Variants in SLCO5A1 observed in about 807,000 individuals in gnomAD.
SLCO5A1 encodes the protein solute carrier organic anion transporter family member 5A1, also known as organic anion transporter polypeptide-related protein 4.
Under a neutral mutation model 65.1 loss-of-function variants are expected in SLCO5A1, and 39 were observed. The ratio of observed to expected loss-of-function variants is 0.60; its 90% confidence interval spans 0.46 to 0.78. The LOEUF (loss-of-function observed/expected upper bound fraction) is 0.78. SLCO5A1 is among the 30% of genes least tolerant of loss of function. The pLI is 0.00. For missense variants in SLCO5A1, 1,029 were observed against 1,069.4 expected, an observed-to-expected ratio of 0.96 and a Z score of 0.53; for synonymous variants, 438 against 415.7, an observed-to-expected ratio of 1.05 and a Z score of -0.65.
chr8:69,729,352 G>T (rs779400351), intron 5 of SLCO5A1, among the ~76,000 whole-genome samples: 1 of 148,822 alleles, frequency 6.7e-6, no homozygotes, highest in African/African-American at 2.5e-5. Flanking sequence ...GCTGAGGCAG[G>T]AGAATGGCAT....
intron 2 of SLCO5A1, among the ~76,000 whole-genome samples, chr8:69,792,777 C>T (rs1819326122): frequency 1.3e-5 from 2 of 151,882 alleles, no homozygotes; most frequent in Non-Finnish European, 2.9e-5. Flanking sequence ...AAATTAAAGT[C>T]AAGATGCAAG....
At chr8:69,797,561 A>G (rs1456510013) in intron 2 of SLCO5A1, among the ~76,000 whole-genome samples, 7 of 152,252 alleles carry the variant, frequency 4.6e-5, no homozygotes, top group Non-Finnish European at 1.0e-4. Flanking sequence ...TTTTCCCAGC[A>G]AGGAACATCC....
chr8:69,799,182 T>C (rs945167140), intron 2 of SLCO5A1, among the ~76,000 whole-genome samples: 4 of 152,210 alleles, frequency 2.6e-5, no homozygotes, highest in Admixed American at 1.3e-4. Context: ...AAATTTATAT[T>C]TTACAAGTAT....
intron 4 of SLCO5A1, among the ~76,000 whole-genome samples, chr8:69,742,091 T>C (rs1816809853): frequency 6.6e-6 from 1 of 152,164 alleles, no homozygotes; most frequent in African/African-American, 2.4e-5. Context: ...CACTGAAGTA[T>C]TAGGGACAGT....
intron 2 of SLCO5A1, among the ~76,000 whole-genome samples, chr8:69,796,719 AGGT>A: frequency 6.6e-6 from 1 of 151,806 alleles, no homozygotes; most frequent in South Asian, 2.1e-4. Context: ...TTCAACTTTC[AGGT>A]CATTTCTTTG....
At chr8:69,805,413 A>G (rs960101670) in intron 2 of SLCO5A1, among the ~76,000 whole-genome samples, 4 of 152,182 alleles carry the variant, frequency 2.6e-5, no homozygotes, top group African/African-American at 9.7e-5. Flanking sequence ...GGTAGAACCT[A>G]TGATCCCAAG....
chr8:69,810,392 T>G (rs1027365179), intron 2 of SLCO5A1, among the ~76,000 whole-genome samples: 1 of 152,220 alleles, frequency 6.6e-6, no homozygotes, highest in African/African-American at 2.4e-5. Flanking sequence ...TTTAAAGCTA[T>G]TATCATAGCC....
chr8:69,780,853 GA>G (rs375997212), intron 2 of SLCO5A1, among the ~76,000 whole-genome samples: 7,281 of 146,466 alleles, frequency 0.05, 223 homozygotes, highest in Middle Eastern at 0.083. Flanking sequence ...CTCTGCTACT[GA>G]AAAAAAAAAA....
intron 4 of SLCO5A1, among the ~76,000 whole-genome samples, chr8:69,749,342 G>T (rs1458129226): frequency 6.6e-6 from 1 of 152,062 alleles, no homozygotes; most frequent in Non-Finnish European, 1.5e-5. Context: ...TGTTTCACCG[G>T]GCGCAGTGGC....
intron 2 of SLCO5A1, among the ~76,000 whole-genome samples, chr8:69,796,543 C>G (rs7828274): frequency 0.58 from 88,569 of 151,568 alleles, 26,139 homozygotes; most frequent in East Asian, 0.71. Flanking sequence ...CTGAGCCTGG[C>G]AGGCAGAGGT....
intron 6 of SLCO5A1, among the ~76,000 whole-genome samples, chr8:69,694,397 T>C (rs971632772): frequency 1.3e-5 from 2 of 152,208 alleles, no homozygotes; most frequent in Non-Finnish European, 2.9e-5. Context: ...AACATGTACC[T>C]TACAAAGACT....
At chr8:69,753,243 A>T (rs1817397520) in intron 4 of SLCO5A1, among the ~76,000 whole-genome samples, 1 of 152,086 alleles carries the variant, frequency 6.6e-6, no homozygotes, top group South Asian at 2.1e-4. Flanking sequence ...ACACAGAAAC[A>T]CACCTCAGAA....
In SLCO5A1 at chr8:69,824,855, G is replaced by A. The variant is rs1276562453; in HGVS notation, c.907+6912C>T. Among the ~76,000 whole-genome samples, 5 of 152,184 alleles carry A rather than the reference G, an allele frequency of 3.3e-5. No homozygotes were observed. In the South Asian group the frequency reaches 8.3e-4, roughly 25 times the overall value. ...AGAATTTTACACCAATATCCTTGAT[G>A]AACATTGATGCAAAAATCCTCAATA... On this transcript the variant is annotated intron_variant, in intron 2 of 9. Coordinates refer to ENST00000260126, the MANE Select transcript of SLCO5A1 (RefSeq NM_030958.3).
intron 2 of SLCO5A1, among the ~76,000 whole-genome samples, chr8:69,804,982 G>A (rs1369229772): frequency 6.6e-6 from 1 of 152,128 alleles, no homozygotes; most frequent in East Asian, 1.9e-4. Context: ...AGATAAATAT[G>A]TTCACAAACC....
intron 5 of SLCO5A1, among the ~76,000 whole-genome samples, chr8:69,734,165 G>C (rs1013331760): frequency 2.0e-5 from 3 of 152,136 alleles, no homozygotes; most frequent in African/African-American, 7.2e-5. Context: ...TGAGAGAAGT[G>C]GAGCTGAAGG....
chr8:69,715,129 G>A (rs1815451558), intron 5 of SLCO5A1, among the ~76,000 whole-genome samples: 1 of 152,056 alleles, frequency 6.6e-6, no homozygotes, highest in Non-Finnish European at 1.5e-5. Flanking sequence ...ACCCACAGAG[G>A]GCAAAAACCA....
intron 2 of SLCO5A1, among the ~76,000 whole-genome samples, chr8:69,786,521 G>A (rs1197313716): frequency 6.6e-6 from 1 of 152,182 alleles, no homozygotes; most frequent in African/African-American, 2.4e-5. Flanking sequence ...TTTCACAAGT[G>A]CAATGCATCT....
At chr8:69,737,902 T>C in intron 5 of SLCO5A1, 138 bp downstream of exon 5, 1 of 807,048 alleles carries the variant, frequency 1.2e-6, no homozygotes, top group Non-Finnish European at 1.8e-6. Context: ...GATTTCCTCC[T>C]CCTAAAATCT....
At chr8:69,801,472 T>C (rs2130903360) in intron 2 of SLCO5A1, among the ~76,000 whole-genome samples, 1 of 152,336 alleles carries the variant, frequency 6.6e-6, no homozygotes, top group South Asian at 2.1e-4. Flanking sequence ...TCAAATCAAC[T>C]ATGAATTTCA....
Sources: gnomAD v4.1 joint callset for allele counts (sites outside exome capture counted in the v4.1 genomes callset) on GRCh38, gnomAD v4.1.1 for gene constraint, MANE v1.5 for transcripts, NCBI Gene and HGNC (gene_info 2026-07-23, HGNC 2026-07-21) for gene names.